Variants in STXBP2 observed in about 807,000 individuals in gnomAD.
STXBP2 encodes the protein syntaxin binding protein 2, also known as syntaxin-binding protein 2.
In STXBP2, 47 loss-of-function variants were observed where a neutral mutation model predicts 72.2. The observed-to-expected ratio is 0.65, with a 90% CI of 0.51 to 0.83. STXBP2 has a LOEUF of 0.83. Ranked by LOEUF, STXBP2 falls within the 40% of genes least tolerant of loss-of-function variation. STXBP2 has a pLI of 0.00. For synonymous variants in STXBP2, 367 were observed against 338.7 expected (o/e 1.08, Z -0.92); for missense variants, 702 against 807.6 (o/e 0.87, Z 1.58).
At chr19:7,631,405 GGGGTGGT>G in the STXBP2 span, 2 of 1,043,890 alleles carry the variant, frequency 1.9e-6, no homozygotes, top group Non-Finnish European at 2.7e-6. Flanking sequence ...TGGGCGGGGG[GGGGTGGT>G]CCCGGCTCTG....
rs2031912848 is a variant in STXBP2, at chr19:7,642,156, A to G, written c.663+38A>G. 6.2e-7 allele frequency: 1 copy of G among 1,613,704 alleles called. No individual in the cohort carries two copies. Among genetic ancestry groups the G allele is most frequent in the Admixed American group, 1.7e-5 (1 of 59,994 alleles). On this transcript the variant is annotated intron_variant, in intron 8 of 18. Transcript: ENST00000221283. The surrounding 1 kb of genome is among the most constrained non-coding windows in gnomAD (Gnocchi z 6.0). ...GCTTGGGAGGTGAGGGGCAGCCCCA[A>G]CCGGCTCAGGGTCAGTGCCTCATTC...
chr19:7,637,843 A>C (rs1568462586), intron 1 of STXBP2, among the ~76,000 whole-genome samples: 1 of 152,024 alleles, frequency 6.6e-6, no homozygotes, highest in Non-Finnish European at 1.5e-5. Context: ...GGGCGGGGCC[A>C]CCCCGTTACT....
the STXBP2 span, chr19:7,630,695 G>T: frequency 3.9e-6 from 6 of 1,533,410 alleles, no homozygotes; most frequent in East Asian, 9.8e-5. Context: ...GTTCATTCCA[G>T]GGGTGGGAGA....
At position 7,642,328 on chromosome 19, in the gene STXBP2, A is replaced by G. The variant is rs371540379; in HGVS notation, c.789A>G (p.Thr263=). The change falls in exon 9 of 19, where the codon ACA becomes ACG. Residue 263 remains threonine (T), a synonymous_variant. Coordinates refer to ENST00000221283, the MANE Select transcript of STXBP2 (RefSeq NM_006949.4). This position sits in a 1 kb window ranked among gnomAD's most constrained non-coding sequence, Gnocchi z 6.0. The part of the protein sequence containing the change: ...AYDLLDIEQD[T]YRYETTGLSE... ...ATCTGCTGGACATAGAGCAGGACAC[A>G]TACAGGTCTGCAGACTTGGAACCCG... 4 of 1,613,808 alleles carry G rather than the reference A, an allele frequency of 2.5e-6. No individual in the cohort carries two copies. Among genetic ancestry groups the G allele is most frequent in the African/African-American group, 1.3e-5 (1 of 74,874 alleles).
chr19:7,642,706 T>TCA lies in STXBP2; in HGVS notation c.903-58_903-57dup. 2 of 1,577,264 alleles carry TCA rather than the reference T, an allele frequency of 1.3e-6. No individual in the cohort carries two copies. Among genetic ancestry groups the TCA allele is most frequent in the South Asian group, 1.1e-5 (1 of 89,892 alleles). On this transcript the variant is annotated intron_variant, in intron 10 of 18. Transcript: ENST00000221283. This position sits in a 1 kb window ranked among gnomAD's most constrained non-coding sequence, Gnocchi z 6.0. ...CTCTCCCTGTCCCCCCTGAGTGGGC[T>TCA]CACCCATGGCCTGTGGCTCCTCTCC...
chr19:7,639,491 C>T, intron 3 of STXBP2: 1 of 595,558 alleles, frequency 1.7e-6, no homozygotes, highest in Admixed American at 2.6e-5. Flanking sequence ...GCTGAGGGAG[C>T]CTGTCCTCTC....
intron 15 of STXBP2, 144 bp downstream of exon 15, chr19:7,645,450 G>A (rs943533469): frequency 6.2e-5 from 48 of 774,400 alleles, no homozygotes; most frequent in Middle Eastern, 3.7e-4. Context: ...GCAGTGTTTC[G>A]GGTCTGGTCT....
In STXBP2 at chr19:7,642,399, T is replaced by G. The variant is rs180779790; in HGVS notation, c.795-30T>G. ...CTGGTTCCCCAGTCCTCAGCTCCCC[T>G]GACCCCCAGGCTCCCTCCTTCCTCC... On this transcript the variant is annotated intron_variant, in intron 9 of 18. Coordinates refer to ENST00000221283, the MANE Select transcript of STXBP2 (RefSeq NM_006949.4). This position sits in a 1 kb window ranked among gnomAD's most constrained non-coding sequence, Gnocchi z 6.0. The G allele has an allele frequency of 1.3e-3, 2,093 of 1,613,632 alleles. 2 individuals carry two copies. The highest frequency in any genetic ancestry group is 3.5e-3 in the Admixed American group (210 of 60,028).
At position 7,642,979 on chromosome 19, in the gene STXBP2, C is replaced by A. The variant is rs1354902997; in HGVS notation, c.961-4C>A. ...TCCCTACCCTCTTCCCCCTACTTCC[C>A]CAGGCGAACATCAAAGACCTATCCC... On this transcript the variant is annotated splice_polypyrimidine_tract_variant and splice_region_variant and intron_variant, in intron 11 of 18. Coordinates refer to ENST00000221283, the MANE Select transcript of STXBP2 (RefSeq NM_006949.4). This position sits in a 1 kb window ranked among gnomAD's most constrained non-coding sequence, Gnocchi z 6.0. 6.2e-7 allele frequency: 1 copy of A among 1,614,056 alleles called. No individual in the cohort carries two copies. The highest frequency in any genetic ancestry group is 1.3e-5 in the African/African-American group (1 of 74,912).
At chr19:7,646,620 G>T in intron 16 of STXBP2, 2 of 525,602 alleles carry the variant, frequency 3.8e-6, no homozygotes, top group South Asian at 4.0e-5. Flanking sequence ...CCGCAGGAGT[G>T]CCCCTGAGCC....
At position 7,640,986 on chromosome 19, in the gene STXBP2, C is replaced by T. The variant is rs781575797; in HGVS notation, c.412C>T (p.Leu138Phe). ...GTTGAAGGAGATTCACCTTGCCTTCCTCCCCTACGAGGCCCAGGTACGGCC... is the reference window on the plus strand; with the variant it reads ...GTTGAAGGAGATTCACCTTGCCTTCTTCCCCTACGAGGCCCAGGTACGGCC... Reference protein sequence around the residue: ...KTLKEIHLAFLPYEAQVFSLD... With the variant: ...KTLKEIHLAFFPYEAQVFSLD... Residue 138 changes from leucine (L) to phenylalanine (F), a missense_variant, in exon 6 of 19, where the codon CTC becomes TTC. Leu to Phe is a conservative substitution (Grantham distance 22). Coordinates refer to ENST00000221283, the MANE Select transcript of STXBP2 (RefSeq NM_006949.4). The T allele has an allele frequency of 6.2e-7, 1 of 1,614,206 alleles. No individual in the cohort carries two copies. The highest frequency in any genetic ancestry group is 2.2e-5 in the East Asian group (1 of 44,888).
intron 3 of STXBP2, chr19:7,639,397 C>T: frequency 1.7e-6 from 1 of 582,376 alleles, no homozygotes; most frequent in Non-Finnish European, 3.1e-6. Context: ...AGGGTGGACT[C>T]TGGATGTGGG....
chr19:7,647,866 C>G lies in STXBP2; in HGVS notation c.*56C>G, dbSNP rs1203978646. 6.7e-7 allele frequency: 1 copy of G among 1,493,196 alleles called. No individual in the cohort carries two copies. Among genetic ancestry groups the G allele is most frequent in the East Asian group, 2.3e-5 (1 of 43,184 alleles). The allele number at this position is 1,493,196 out of a possible 1,614,324, so 92.5% of individuals were successfully genotyped here. A position where few individuals can be genotyped will look rare whatever the true frequency, so the allele number is the denominator to read the frequency against. ...CCAGAGAAATAAACTCTTCCCGTCG[C>G]TCTGCCAGCCAGTGCCTACCTCACC... On this transcript the variant is annotated 3_prime_UTR_variant, in exon 19 of 19. Coordinates refer to ENST00000221283, the MANE Select transcript of STXBP2 (RefSeq NM_006949.4).
chr19:7,643,010 C>T lies in STXBP2; in HGVS notation c.988C>T (p.Leu330=), dbSNP rs377258419. 290 of 1,614,094 alleles carry T rather than the reference C, an allele frequency of 1.8e-4. No individual in the cohort carries two copies. Among genetic ancestry groups the T allele is most frequent in the Non-Finnish European group, 2.3e-4 (274 of 1,180,050 alleles). Residue 330 remains leucine, a synonymous_variant, in exon 12 of 19, where the codon CTG becomes TTG. Transcript: ENST00000221283. ...KANIKDLSQI[L]KKMPQYQKEL... is the part of the protein sequence containing the mutation. ...GAACATCAAAGACCTATCCCAGATC[C>T]TGAAAAAGATGCCGCAGTACCAGAA...
chr19:7,646,926 C>G, intron 16 of STXBP2: 1 of 593,934 alleles, frequency 1.7e-6, no homozygotes, highest in Admixed American at 3.0e-5. Context: ...GTTTAGACTT[C>G]TGGGTACCCA....
upstream of STXBP2, chr19:7,633,282 G>A: frequency 1.9e-6 from 2 of 1,030,396 alleles, no homozygotes; most frequent in Non-Finnish European, 2.8e-6. Flanking sequence ...CCTTTCTACA[G>A]CCACAACTGG....
rs543892222 is a variant in STXBP2 at position 7,637,221 on chromosome 19, G to C, written c.37+35G>C. ...TCTCCGGGGCCGGGCTCTGGCGTCCGGTGTGGGACGGGGGTCGGGGACGCA... is the reference window on the plus strand; with the variant it reads ...TCTCCGGGGCCGGGCTCTGGCGTCCCGTGTGGGACGGGGGTCGGGGACGCA... On this transcript the variant is annotated intron_variant, in intron 1 of 18. Transcript: ENST00000221283. 102 of 1,237,430 alleles carry C rather than the reference G, an allele frequency of 8.2e-5. No individual in the cohort carries two copies. The East Asian group carries it at 3.0e-3, about 36-fold the overall frequency. 76.7% of individuals were successfully genotyped at this position (1,237,430 alleles called of 1,614,324 possible).
chr19:7,645,937 G>T, intron 15 of STXBP2: 2 of 472,150 alleles, frequency 4.2e-6, no homozygotes, highest in Admixed American at 3.7e-5. Context: ...TCTGTTTCCT[G>T]CTTCATCTCT....
chr19:7,630,541 G>C, the STXBP2 span: 2 of 1,492,388 alleles, frequency 1.3e-6, no homozygotes, highest in South Asian at 1.2e-5. Context: ...TGCTTGGGGG[G>C]AGCTCACCTC....
Sources: allele counts gnomAD v4.1 joint callset (sites outside exome capture counted in the v4.1 genomes callset), GRCh38; gene constraint gnomAD v4.1.1; non-coding constraint Gnocchi (gnomAD v3.1); transcripts MANE v1.5; gene names NCBI Gene and HGNC (gene_info 2026-07-23, HGNC 2026-07-21).